Variants in CNTN5 observed in about 807,000 individuals in gnomAD.
The protein encoded by CNTN5 is contactin 5, also known as contactin-5.
Under a neutral mutation model 129.1 loss-of-function variants are expected in CNTN5, and 77 were observed. That is an observed-to-expected ratio of 0.60 (90% CI 0.50 to 0.72). CNTN5 has a LOEUF of 0.72. Ranked by LOEUF, CNTN5 falls within the 30% of genes least tolerant of loss-of-function variation. The pLI is 0.00. For missense variants in CNTN5, 1,478 were observed against 1,328.8 expected (o/e 1.11, Z -1.75); for synonymous variants, 509 against 465.6 (o/e 1.09, Z -1.20).
At chr11:99,845,283 T>G in intron 6 of CNTN5, 21 bp downstream of exon 6, 4 of 1,539,134 alleles carry the variant, frequency 2.6e-6, no homozygotes, top group Non-Finnish European at 3.6e-6. Context: ...TATATGATTT[T>G]TCTATATATA....
chr11:99,851,394 A>G (rs1947869238), intron 6 of CNTN5, among the ~76,000 whole-genome samples: 1 of 152,152 alleles, frequency 6.6e-6, no homozygotes, highest in Non-Finnish European at 1.5e-5. Context: ...CCTGAAGCTT[A>G]TGTTTGTCAT....
At chr11:99,653,649 C>G (rs1328343925) in intron 3 of CNTN5, among the ~76,000 whole-genome samples, 1 of 152,014 alleles carries the variant, frequency 6.6e-6, no homozygotes, top group Non-Finnish European at 1.5e-5. Flanking sequence ...AAGTCCCTCT[C>G]CTTTGAAATG....
At chr11:99,879,578 C>T (rs548489787) in intron 6 of CNTN5, among the ~76,000 whole-genome samples, 2 of 152,032 alleles carry the variant, frequency 1.3e-5, no homozygotes, top group African/African-American at 4.8e-5. Flanking sequence ...CTAGTGCGAA[C>T]TGTGTTTGAG....
chr11:99,904,899 T>A (rs12226072), intron 6 of CNTN5, among the ~76,000 whole-genome samples: 9,593 of 152,250 alleles, frequency 0.063, 606 homozygotes, highest in East Asian at 0.28. Flanking sequence ...CCAGCAATGA[T>A]GAGATTTTCT....
chr11:99,284,357 T>G (rs2135898475), intron 1 of CNTN5, among the ~76,000 whole-genome samples: 1 of 152,268 alleles, frequency 6.6e-6, no homozygotes, highest in Non-Finnish European at 1.5e-5. Flanking sequence ...AATGTTTATT[T>G]TAAATTATAT....
chr11:99,627,383 C>T (rs1396443071), intron 3 of CNTN5, among the ~76,000 whole-genome samples: 1 of 151,880 alleles, frequency 6.6e-6, no homozygotes, highest in Admixed American at 6.6e-5. Context: ...CTATTCTTAC[C>T]ATAGTTGAAG....
At chr11:99,867,621 T>C (rs1415274915) in intron 6 of CNTN5, among the ~76,000 whole-genome samples, 1 of 152,180 alleles carries the variant, frequency 6.6e-6, no homozygotes, top group African/African-American at 2.4e-5. Context: ...CTGACTTTGC[T>C]CCCATCATCA....
At chr11:99,143,778 A>G (rs940657808) in intron 1 of CNTN5, among the ~76,000 whole-genome samples, 2 of 152,138 alleles carry the variant, frequency 1.3e-5, no homozygotes, top group African/African-American at 2.4e-5. Flanking sequence ...AGAACACATT[A>G]CCAATTTGTT....
intron 1 of CNTN5, among the ~76,000 whole-genome samples, chr11:99,112,843 T>C (rs1857860727): frequency 6.6e-6 from 1 of 152,086 alleles, no homozygotes; most frequent in East Asian, 1.9e-4. Flanking sequence ...ATGTCAGGTA[T>C]GAGAAACATC....
At chr11:99,474,522 CG>C (rs1945295742) in intron 2 of CNTN5, among the ~76,000 whole-genome samples, 2 of 152,060 alleles carry the variant, frequency 1.3e-5, no homozygotes, top group African/African-American at 4.8e-5. Flanking sequence ...AAGCCCATTT[CG>C]TTGTCTTTTT....
intron 2 of CNTN5, among the ~76,000 whole-genome samples, chr11:99,408,428 A>AAAAGAAAGAAAGAAAGAAAG (rs1156931446): frequency 0.018 from 1,641 of 93,130 alleles, 58 homozygotes; most frequent in East Asian, 0.05. Context: ...GAAGGAAAGA[A>AAAAGAAAGAAAGAAAGAAAG]AAAGAAAGAA....
At chr11:99,989,977 A>G (rs1367499952) in intron 8 of CNTN5, among the ~76,000 whole-genome samples, 1 of 152,058 alleles carries the variant, frequency 6.6e-6, no homozygotes, top group Admixed American at 6.6e-5. Flanking sequence ...GTGTTAGCCA[A>G]GATGGTCTCA....
In CNTN5 at chr11:100,356,458, T is replaced by A. The variant is rs1591539977; in HGVS notation, c.*238T>A. Reference sequence around the variant, plus strand: ...CCAGTAAAAATATGCAGATTGTATGTAATGAATTTTTGTAAACAAAGGTAA... The same window carrying A: ...CCAGTAAAAATATGCAGATTGTATGAAATGAATTTTTGTAAACAAAGGTAA... On this transcript the variant is annotated 3_prime_UTR_variant, in exon 25 of 25. Transcript: ENST00000524871. The A allele has an allele frequency of 2.0e-6, 1 of 496,308 alleles. No homozygotes were observed. The highest frequency in any genetic ancestry group is 3.2e-5 in the East Asian group (1 of 31,594). The allele number at this position is 496,308 out of a possible 1,614,324, so 30.7% of individuals were successfully genotyped here.
chr11:100,119,874 C>CAAATA (rs1565259354), intron 13 of CNTN5, among the ~76,000 whole-genome samples: 1 of 151,800 alleles, frequency 6.6e-6, no homozygotes, highest in Non-Finnish European at 1.5e-5. Context: ...CTGAATTAGG[C>CAAATA]AAATAAAAAG....
intron 16 of CNTN5, 148 bp downstream of exon 16, chr11:100,224,960 T>A: frequency 1.4e-6 from 1 of 720,682 alleles, no homozygotes; most frequent in Non-Finnish European, 2.0e-6. Context: ...ACCTTTTGCC[T>A]TTGAAAAAAT....
intron 1 of CNTN5, among the ~76,000 whole-genome samples, chr11:99,287,335 T>A (rs1416886391): frequency 6.6e-6 from 1 of 152,148 alleles, no homozygotes; most frequent in African/African-American, 2.4e-5. Flanking sequence ...CCTTGAGATT[T>A]TAAAAGCATG....
chr11:99,818,892 C>G (rs1169328258), intron 3 of CNTN5, among the ~76,000 whole-genome samples: 1 of 151,932 alleles, frequency 6.6e-6, no homozygotes, highest in Non-Finnish European at 1.5e-5. Context: ...ATAATAAAAC[C>G]TAGAAAATAA....
intron 1 of CNTN5, among the ~76,000 whole-genome samples, chr11:99,260,016 C>A (rs184752063): frequency 6.5e-4 from 98 of 151,634 alleles, no homozygotes; most frequent in Middle Eastern, 3.4e-3. Context: ...AAATATTAAT[C>A]TTCATCTGTT....
At chr11:100,272,763 G>A (rs532417833) in intron 18 of CNTN5, among the ~76,000 whole-genome samples, 4 of 152,216 alleles carry the variant, frequency 2.6e-5, no homozygotes, top group South Asian at 2.1e-4. Flanking sequence ...CAGCTCTGGG[G>A]GAATTGGTGA....
Sources: gnomAD v4.1 joint callset for allele counts (sites outside exome capture counted in the v4.1 genomes callset) on GRCh38, gnomAD v4.1.1 for gene constraint, MANE v1.5 for transcripts, NCBI Gene and HGNC (gene_info 2026-07-23, HGNC 2026-07-21) for gene names.